AKAP7: variants seen among roughly 807,000 people sequenced by gnomAD.
AKAP7 encodes A kinase (PRKA) anchor protein 7.
A neutral mutation model predicts 39.5 loss-of-function variants in AKAP7; 39 were observed. That is an observed-to-expected ratio of 0.99 (90% CI 0.76 to 1.29). AKAP7 has a LOEUF of 1.29. Ranked by LOEUF, AKAP7 falls within the 50% of genes most tolerant of loss-of-function variation. The pLI is 0.00. For missense variants in AKAP7, 414 were observed against 407.7 expected (o/e 1.02, Z -0.13); for synonymous variants, 140 against 139.1 (o/e 1.01, Z -0.05).
intron 7 of AKAP7, among the ~76,000 whole-genome samples, chr6:131,244,314 G>A (rs1166316064): frequency 6.6e-6 from 1 of 152,148 alleles, no homozygotes; most frequent in African/African-American, 2.4e-5. Context: ...ACCTACTCTG[G>A]TGGCACCCGT....
intron 7 of AKAP7, among the ~76,000 whole-genome samples, chr6:131,259,549 A>T (rs780879757): frequency 1.3e-5 from 2 of 152,210 alleles, no homozygotes; most frequent in Non-Finnish European, 2.9e-5. Flanking sequence ...TTAGTTTAAC[A>T]CATTTTCTTT....
chr6:131,156,899 C>G (rs1031601758), intron 2 of AKAP7, among the ~76,000 whole-genome samples: 1 of 151,878 alleles, frequency 6.6e-6, no homozygotes, highest in South Asian at 2.1e-4. Flanking sequence ...CTCAGCTTCC[C>G]GAGTAGCTGG....
chr6:131,259,933 A>G (rs138240618), intron 7 of AKAP7, among the ~76,000 whole-genome samples: 24 of 148,004 alleles, frequency 1.6e-4, no homozygotes, highest in African/African-American at 5.9e-4. Context: ...TTAGCTATTT[A>G]TCCGGATACT....
intron 7 of AKAP7, among the ~76,000 whole-genome samples, chr6:131,266,095 G>C (rs1813776009): frequency 6.6e-6 from 1 of 152,172 alleles, no homozygotes; most frequent in African/African-American, 2.4e-5. Flanking sequence ...AGCAGCCTCA[G>C]TGGGGCCAAC....
Position 131,265,403 on chromosome 6 carries a change from G to A in AKAP7, c.851-16127G>A, listed in dbSNP as rs567032273. Among the ~76,000 whole-genome samples, 194 of 152,294 alleles carry A rather than the reference G, an allele frequency of 1.3e-3. 1 individual carries two copies. Among genetic ancestry groups the A allele is most frequent in the African/African-American group, 3.7e-3 (154 of 41,552 alleles). On this transcript the variant is annotated intron_variant, in intron 7 of 7. Coordinates refer to ENST00000431975, the MANE Select transcript of AKAP7 (RefSeq NM_016377.4). Reference sequence around the variant, plus strand: ...GCCCGCCTCAGCTCCCCAAAGTTCTGGGATTGCAGGCAGCTTTATATGATT... The same window carrying A: ...GCCCGCCTCAGCTCCCCAAAGTTCTAGGATTGCAGGCAGCTTTATATGATT...
intron 7 of AKAP7, among the ~76,000 whole-genome samples, chr6:131,277,941 C>T (rs1353473566): frequency 2.6e-5 from 4 of 152,140 alleles, no homozygotes; most frequent in South Asian, 2.1e-4. Flanking sequence ...GTTCATCAAG[C>T]GAAGTGGAGG....
intron 6 of AKAP7, among the ~76,000 whole-genome samples, chr6:131,204,544 A>T (rs1190806): frequency 2.0e-5 from 3 of 152,026 alleles, no homozygotes; most frequent in South Asian, 4.1e-4. Context: ...CTCTTAGCCC[A>T]TGATTTTTCC....
In AKAP7 at chr6:131,219,552, G is replaced by A. The variant is rs146339322; in HGVS notation, c.703-109G>A. Reference sequence around the variant, plus strand: ...TCCATTTCAAGTGCCAGTAGGCAGTGGTGTAACAATGTAGTAATGTAATAA... The same window carrying A: ...TCCATTTCAAGTGCCAGTAGGCAGTAGTGTAACAATGTAGTAATGTAATAA... On this transcript the variant is annotated intron_variant, in intron 6 of 7. Coordinates refer to ENST00000431975, the MANE Select transcript of AKAP7 (RefSeq NM_016377.4). The A allele has an allele frequency of 1.3e-5, 13 of 978,528 alleles. No individual in the cohort carries two copies. In the African/African-American group the frequency reaches 1.9e-4, roughly 14 times the overall value. 60.6% of individuals were successfully genotyped at this position (978,528 alleles called of 1,614,324 possible).
intron 1 of AKAP7, 50 bp from the exon 2 acceptor site, chr6:131,145,231 TTAAA>T: frequency 8.2e-7 from 1 of 1,218,292 alleles, no homozygotes; most frequent in Non-Finnish European, 1.1e-6. Context: ...TAGGATATGT[TTAAA>T]TAATGACAAG....
At chr6:131,255,209 C>T (rs984388573) in intron 7 of AKAP7, among the ~76,000 whole-genome samples, 22 of 152,126 alleles carry the variant, frequency 1.4e-4, no homozygotes, top group African/African-American at 5.1e-4. Context: ...GGGTAGGTGT[C>T]GTACATCTCT....
intron 7 of AKAP7, among the ~76,000 whole-genome samples, chr6:131,232,218 A>G (rs1450583748): frequency 6.6e-6 from 1 of 152,198 alleles, no homozygotes; most frequent in Non-Finnish European, 1.5e-5. Flanking sequence ...AAGCATCACT[A>G]CTAAAATGAT....
At chr6:131,230,185 G>A (rs1810518770) in intron 7 of AKAP7, among the ~76,000 whole-genome samples, 1 of 152,178 alleles carries the variant, frequency 6.6e-6, no homozygotes, top group Admixed American at 6.5e-5. Flanking sequence ...GCTTTCCACA[G>A]TGGCAAAACT....
chr6:131,273,648 ATATTT>A (rs1335889695), intron 7 of AKAP7, among the ~76,000 whole-genome samples: 2 of 152,148 alleles, frequency 1.3e-5, no homozygotes, highest in Admixed American at 6.6e-5. Flanking sequence ...TTATTTCTAC[ATATTT>A]TATAATACCC....
chr6:131,190,816 T>C (rs1806337952), intron 5 of AKAP7, among the ~76,000 whole-genome samples: 1 of 152,190 alleles, frequency 6.6e-6, no homozygotes, highest in Admixed American at 6.5e-5. Context: ...CATCAAATTT[T>C]TTGATAAATT....
the AKAP7 span, among the ~76,000 whole-genome samples, chr6:131,127,068 C>G: frequency 6.7e-6 from 1 of 149,768 alleles, no homozygotes; most frequent in Admixed American, 6.6e-5. Flanking sequence ...TTTTTTGAGA[C>G]AGAGTCTGGC....
intron 7 of AKAP7, among the ~76,000 whole-genome samples, chr6:131,255,942 T>C (rs990520032): frequency 6.6e-6 from 1 of 152,224 alleles, no homozygotes; most frequent in African/African-American, 2.4e-5. Flanking sequence ...TGCCAAGTAC[T>C]ATGCTAGGAT....
chr6:131,237,239 C>T (rs1189470973), intron 7 of AKAP7, among the ~76,000 whole-genome samples: 13 of 152,182 alleles, frequency 8.5e-5, no homozygotes. Flanking sequence ...ACCAGCCTTG[C>T]ATCCCAGGGA....
intron 5 of AKAP7, 113 bp downstream of exon 5, chr6:131,169,386 A>T: frequency 8.3e-7 from 1 of 1,211,740 alleles, no homozygotes; most frequent in East Asian, 2.4e-5. Context: ...GACTAGACTC[A>T]AGTATTTTTT....
At chr6:131,224,433 C>T (rs1809971501) in intron 7 of AKAP7, among the ~76,000 whole-genome samples, 1 of 152,086 alleles carries the variant, frequency 6.6e-6, no homozygotes, top group Non-Finnish European at 1.5e-5. Flanking sequence ...GATTTCTGAT[C>T]TTAAGATATT....
Sources: gnomAD v4.1 joint callset for allele counts (sites outside exome capture counted in the v4.1 genomes callset) on GRCh38, gnomAD v4.1.1 for gene constraint, MANE v1.5 for transcripts, NCBI Gene and HGNC (gene_info 2026-07-23, HGNC 2026-07-21) for gene names.